The following RAD54B variants were observed in gnomAD, a reference collection of about 807,000 sequenced individuals.
The protein encoded by RAD54B is RAD54 homolog B.
In RAD54B, 78 loss-of-function variants were observed where a neutral mutation model predicts 95.8. The ratio of observed to expected loss-of-function variants is 0.81; its 90% confidence interval spans 0.68 to 0.98. RAD54B has a LOEUF of 0.98. RAD54B is among the 50% of genes least tolerant of loss of function. The probability of loss-of-function intolerance (pLI) is 0.00; values close to 1 mark genes in which losing one functional copy is unlikely to be tolerated. For missense variants in RAD54B, 957 were observed against 1,056.6 expected (o/e 0.91, Z 1.31); for synonymous variants, 328 against 354.9 (o/e 0.92, Z 0.85).
At chr8:94,428,663 C>T in intron 3 of RAD54B, 3 of 779,858 alleles carry the variant, frequency 3.8e-6, no homozygotes, top group Non-Finnish European at 4.7e-6. Context: ...ATTTATTTTT[C>T]TGCCTGAATA....
chr8:94,474,146 T>C (rs1355094312), intron 1 of RAD54B, among the ~76,000 whole-genome samples: 2 of 152,178 alleles, frequency 1.3e-5, no homozygotes. Context: ...TTCTCACTTA[T>C]AAATGGGAGC....
Position 94,466,751 on chromosome 8 carries a change from T to C in RAD54B, c.135+654A>G, listed in dbSNP as rs138806293. ...TAAAAGTGAGAAAAAATGTTTGGAA[T>C]AGTGATACAAATCATTATGTATTTT... On this transcript the variant is annotated intron_variant, in intron 2 of 14. Transcript: ENST00000336148. 6.6e-5 allele frequency among the ~76,000 whole-genome samples: 10 copies of C among 152,280 alleles called. No individual in the cohort carries two copies. In the East Asian group the frequency reaches 1.9e-3, roughly 29 times the overall value.
chr8:94,408,324 G>A (rs1811444188), intron 4 of RAD54B, among the ~76,000 whole-genome samples: 1 of 152,096 alleles, frequency 6.6e-6, no homozygotes, highest in Non-Finnish European at 1.5e-5. Context: ...TAAAGGTGCT[G>A]ATGAAATATA....
At chr8:94,464,189 C>G (rs1237296509) in intron 2 of RAD54B, among the ~76,000 whole-genome samples, 1 of 152,070 alleles carries the variant, frequency 6.6e-6, no homozygotes, top group African/African-American at 2.4e-5. Context: ...GATTAAGGAC[C>G]AGGACCTTGA....
At chr8:94,418,690 C>T (rs1173557571) in intron 3 of RAD54B, among the ~76,000 whole-genome samples, 1 of 152,152 alleles carries the variant, frequency 6.6e-6, no homozygotes, top group Non-Finnish European at 1.5e-5. Context: ...TTTTTGAGAA[C>T]GTCGAATAAA....
chr8:94,381,946 T>C (rs1810751187), intron 11 of RAD54B, among the ~76,000 whole-genome samples: 1 of 152,064 alleles, frequency 6.6e-6, no homozygotes. Context: ...ACCCCGTCTC[T>C]ACTAAAAATA....
At chr8:94,452,552 G>A (rs1812685362) in intron 3 of RAD54B, among the ~76,000 whole-genome samples, 1 of 151,722 alleles carries the variant, frequency 6.6e-6, no homozygotes, top group African/African-American at 2.4e-5. Context: ...AGGCTGGAGT[G>A]CAATGGTGCT....
Position 94,391,606 on chromosome 8 carries a change from T to C in RAD54B, c.1809+3A>G. On this transcript the variant is annotated splice_donor_region_variant and intron_variant, in intron 10 of 14. Transcript: ENST00000336148. The stretch of plus-strand genomic sequence containing the variant: ...GACACAGTTTCAGATACTATGCACT[T>C]ACCTTTATAGAGTTGAACAAAAGGC... 6.2e-7 allele frequency: 1 copy of C among 1,612,214 alleles called. No homozygotes were observed. The highest frequency in any genetic ancestry group is 8.5e-7 in the Non-Finnish European group (1 of 1,179,306).
At chr8:94,440,560 C>T (rs1812374560) in intron 3 of RAD54B, among the ~76,000 whole-genome samples, 1 of 152,126 alleles carries the variant, frequency 6.6e-6, no homozygotes, top group Non-Finnish European at 1.5e-5. Flanking sequence ...TGCCAATGCT[C>T]GTTGGTGTAG....
chr8:94,392,670 T>C (rs1811049610), intron 9 of RAD54B, among the ~76,000 whole-genome samples: 2 of 150,108 alleles, frequency 1.3e-5, no homozygotes, highest in East Asian at 3.9e-4. Flanking sequence ...TGATCTCAGC[T>C]CACTACAACC....
intron 8 of RAD54B, among the ~76,000 whole-genome samples, chr8:94,395,685 C>T (rs1185491456): frequency 6.6e-6 from 1 of 152,128 alleles, no homozygotes; most frequent in Admixed American, 6.6e-5. Flanking sequence ...GAGAAGTCAT[C>T]ACAGAGGGGC....
chr8:94,434,517 G>T (rs1002055861), intron 3 of RAD54B, among the ~76,000 whole-genome samples: 5 of 151,660 alleles, frequency 3.3e-5, no homozygotes, highest in Non-Finnish European at 5.9e-5. Flanking sequence ...TACAAAACAG[G>T]TATATATTTT....
chr8:94,386,422 T>C (rs532616068), intron 11 of RAD54B, among the ~76,000 whole-genome samples: 1 of 152,294 alleles, frequency 6.6e-6, no homozygotes, highest in South Asian at 2.1e-4. Context: ...TAGATTTAGA[T>C]GTCCATTCAA....
chr8:94,442,628 G>A (rs1366621380), intron 3 of RAD54B, among the ~76,000 whole-genome samples: 1 of 151,044 alleles, frequency 6.6e-6, no homozygotes, highest in African/African-American at 2.4e-5. Context: ...AAGATCTAGT[G>A]TTCAGTAATA....
chr8:94,425,978 G>T (rs1000544843), intron 3 of RAD54B, among the ~76,000 whole-genome samples: 4 of 152,004 alleles, frequency 2.6e-5, no homozygotes, highest in Non-Finnish European at 4.4e-5. Flanking sequence ...TTTGGGACAG[G>T]GTCTTGCTCT....
intron 3 of RAD54B, chr8:94,430,715 C>A (rs536062108): frequency 2.1e-6 from 2 of 933,002 alleles, no homozygotes; most frequent in Admixed American, 1.2e-4. Context: ...GTTTTAAAAG[C>A]ATTTTGTGTT....
chr8:94,458,556 A>T, intron 2 of RAD54B, 120 bp from the exon 3 acceptor site: 1 of 700,970 alleles, frequency 1.4e-6, no homozygotes. Context: ...TATAAACTAG[A>T]ACTAGATATT....
chr8:94,446,976 T>TAAA (rs10651138), intron 3 of RAD54B, among the ~76,000 whole-genome samples: 52 of 147,516 alleles, frequency 3.5e-4, no homozygotes, highest in African/African-American at 1.1e-3. Context: ...AGATAAGACT[T>TAAA]AAAAAAAAAA....
intron 7 of RAD54B, 97 bp from the exon 8 acceptor site, chr8:94,399,718 G>A: frequency 1.4e-6 from 2 of 1,412,200 alleles, no homozygotes; most frequent in Non-Finnish European, 1.9e-6. Flanking sequence ...CTAAGAACTG[G>A]AATGTGTTAA....
Sources: allele counts gnomAD v4.1 joint callset (sites outside exome capture counted in the v4.1 genomes callset), GRCh38; gene constraint gnomAD v4.1.1; transcripts MANE v1.5; gene names NCBI Gene and HGNC (gene_info 2026-07-23, HGNC 2026-07-21).